Variants in COL23A1 observed in about 807,000 individuals in gnomAD.
COL23A1 encodes collagen type XXIII alpha 1 chain, also known as collagen alpha-1(XXIII) chain.
In COL23A1, 97 loss-of-function variants were observed where a neutral mutation model predicts 99.3. The observed-to-expected ratio is 0.98, with a 90% CI of 0.83 to 1.16. COL23A1 has a LOEUF of 1.16. Among genes scored for constraint, COL23A1 ranks in the 50% most tolerant of loss-of-function variants. The pLI is 0.00. For missense variants in COL23A1, 762 were observed against 757.4 expected (o/e 1.01, Z -0.07); for synonymous variants, 320 against 308.2 (o/e 1.04, Z -0.40).
chr5:178,520,538 C>T (rs1015068213), intron 2 of COL23A1, among the ~76,000 whole-genome samples: 1 of 152,172 alleles, frequency 6.6e-6, no homozygotes, highest in Non-Finnish European at 1.5e-5. Context: ...TGTGACAAAG[C>T]CATGAACCAG....
At chr5:178,392,811 G>A (rs181174921) in intron 2 of COL23A1, among the ~76,000 whole-genome samples, 1 of 152,342 alleles carries the variant, frequency 6.6e-6, no homozygotes, top group East Asian at 1.9e-4. Flanking sequence ...TAGAAGAGGA[G>A]GCCTCAGGAA....
chr5:178,467,390 C>T (rs60656181), intron 2 of COL23A1, among the ~76,000 whole-genome samples: 3,156 of 152,338 alleles, frequency 0.021, 131 homozygotes, highest in African/African-American at 0.072. Context: ...CTCTGGGCCA[C>T]GCTAAGCTGG....
chr5:178,445,622 C>T (rs765014648), intron 2 of COL23A1, among the ~76,000 whole-genome samples: 3 of 152,030 alleles, frequency 2.0e-5, no homozygotes, highest in Non-Finnish European at 4.4e-5. Flanking sequence ...CGACTTGCTA[C>T]CTATTTGGAG....
intron 2 of COL23A1, among the ~76,000 whole-genome samples, chr5:178,463,573 G>A (rs1016586296): frequency 1.3e-5 from 2 of 152,190 alleles, no homozygotes; most frequent in African/African-American, 4.8e-5. Context: ...CAACCTATGA[G>A]GCAGGTATTG....
intron 7 of COL23A1, among the ~76,000 whole-genome samples, chr5:178,268,428 C>T (rs531254627): frequency 1.3e-5 from 2 of 152,186 alleles, no homozygotes; most frequent in Non-Finnish European, 2.9e-5. Context: ...CTGGCACCCC[C>T]CTTCACCATG....
At chr5:178,245,849 T>G in intron 25 of COL23A1, 93 bp downstream of exon 25, 1 of 1,447,056 alleles carries the variant, frequency 6.9e-7, no homozygotes, top group Non-Finnish European at 9.7e-7. Flanking sequence ...GGGAAAGGGG[T>G]CACACTTGAG....
At chr5:178,409,907 A>G (rs1399416107) in intron 2 of COL23A1, among the ~76,000 whole-genome samples, 1 of 152,326 alleles carries the variant, frequency 6.6e-6, no homozygotes, top group African/African-American at 2.4e-5. Flanking sequence ...AAAATAAATA[A>G]AATTGTAAGA....
intron 1 of COL23A1, among the ~76,000 whole-genome samples, chr5:178,571,265 G>C (rs1335431008): frequency 6.6e-6 from 1 of 152,094 alleles, no homozygotes; most frequent in Non-Finnish European, 1.5e-5. Flanking sequence ...GGGAGGCTGA[G>C]GCAGGAGAAT....
intron 2 of COL23A1, among the ~76,000 whole-genome samples, chr5:178,542,081 T>C (rs1032637378): frequency 6.6e-6 from 1 of 152,188 alleles, no homozygotes; most frequent in Admixed American, 6.5e-5. Context: ...TGGAGTGCAG[T>C]GGCACAATCT....
chr5:178,562,197 G>A (rs1209984822), intron 1 of COL23A1: 3 of 431,568 alleles, frequency 7.0e-6, no homozygotes, highest in South Asian at 1.7e-5. Context: ...AGCCGAGATC[G>A]CGACACCGCA....
intron 2 of COL23A1, among the ~76,000 whole-genome samples, chr5:178,339,355 C>G (rs764016893): frequency 4.6e-5 from 7 of 152,206 alleles, no homozygotes; most frequent in Non-Finnish European, 8.8e-5. Context: ...TGGCCCTGCC[C>G]CATCCAATAC....
intron 5 of COL23A1, among the ~76,000 whole-genome samples, chr5:178,283,526 C>T (rs1757007245): frequency 6.6e-6 from 1 of 152,254 alleles, no homozygotes; most frequent in Admixed American, 6.5e-5. Context: ...CCAGCCAACA[C>T]TCTCATCACA....
At position 178,357,893 on chromosome 5, in the gene COL23A1, GTA is replaced by G. The variant is rs781348683; in HGVS notation, c.362-50976_362-50975del. Among the ~76,000 whole-genome samples, 83 of 142,464 alleles carry G rather than the reference GTA, an allele frequency of 5.8e-4. 2 individuals carry two copies. Among genetic ancestry groups the G allele is most frequent in the Non-Finnish European group, 1.1e-3 (70 of 64,674 alleles). The allele number at this position is 142,464 out of a possible 152,430, so 93.5% of individuals were successfully genotyped here. ...TGTGTGTGCATGTGTACGTGTGTGT[GTA>G]TGTGTGTCTAATGTGTGTGTATGTG... On this transcript the variant is annotated intron_variant, in intron 2 of 28. Coordinates refer to ENST00000390654, the MANE Select transcript of COL23A1 (RefSeq NM_173465.4).
chr5:178,589,168 T>A lies in COL23A1; in HGVS notation c.294+736A>T, dbSNP rs1307499929. ...CTTAGAAGTGTCACAGAGCCTCATA[T>A]GAGCTTTCAAGTAAGCTGTGGAAGT... On this transcript the variant is annotated intron_variant, in intron 1 of 28. Coordinates refer to ENST00000390654, the MANE Select transcript of COL23A1 (RefSeq NM_173465.4). The surrounding 1 kb of genome is among the most constrained non-coding windows in gnomAD (Gnocchi z 5.4). 6.6e-6 allele frequency among the ~76,000 whole-genome samples: 1 copy of A among 152,206 alleles called. No homozygotes were observed. Among genetic ancestry groups the A allele is most frequent in the East Asian group, 1.9e-4 (1 of 5,188 alleles).
intron 5 of COL23A1, among the ~76,000 whole-genome samples, chr5:178,274,849 T>C (rs1174612908): frequency 1.3e-5 from 2 of 152,226 alleles, no homozygotes; most frequent in Non-Finnish European, 2.9e-5. Flanking sequence ...CTCGCTCCCC[T>C]GCCTGATCAA....
intron 1 of COL23A1, among the ~76,000 whole-genome samples, chr5:178,585,729 TCCACA>T (rs1562115577): frequency 0.011 from 116 of 10,996 alleles, no homozygotes; most frequent in East Asian, 0.016. Context: ...GGGGTAACAC[TCCACA>T]GCCCTGGCTG....
At chr5:178,393,496 C>T (rs1764074875) in intron 2 of COL23A1, among the ~76,000 whole-genome samples, 1 of 152,092 alleles carries the variant, frequency 6.6e-6, no homozygotes, top group South Asian at 2.1e-4. Flanking sequence ...GAACTGTACA[C>T]TTAAAAATGG....
intron 6 of COL23A1, among the ~76,000 whole-genome samples, chr5:178,270,023 T>C (rs575638329): frequency 1.3e-5 from 2 of 152,288 alleles, no homozygotes; most frequent in East Asian, 3.9e-4. Context: ...CTCGCATGCT[T>C]TGAGGGCTGA....
chr5:178,294,317 T>TG (rs1299147438), intron 3 of COL23A1, among the ~76,000 whole-genome samples: 58 of 23,274 alleles, frequency 2.5e-3, no homozygotes, highest in African/African-American at 4.8e-3. Context: ...CCCAGCTCCC[T>TG]CCCCAAATCA....
Sources: allele counts gnomAD v4.1 joint callset (sites outside exome capture counted in the v4.1 genomes callset), GRCh38; gene constraint gnomAD v4.1.1; non-coding constraint Gnocchi (gnomAD v3.1); transcripts MANE v1.5; gene names NCBI Gene and HGNC (gene_info 2026-07-23, HGNC 2026-07-21).